The following ASAP1 variants were observed in gnomAD, a reference collection of about 807,000 sequenced individuals.
ASAP1 encodes the protein arf-GAP with SH3 domain, ANK repeat and PH domain-containing protein 1.
A neutral mutation model predicts 145.2 loss-of-function variants in ASAP1; 43 were observed. The ratio of observed to expected loss-of-function variants is 0.30; its 90% CI spans 0.23 to 0.38. The LOEUF (loss-of-function observed/expected upper bound fraction) is 0.38. Ranked by LOEUF, ASAP1 falls within the 10% of genes least tolerant of loss-of-function variation. The pLI, the probability that ASAP1 is intolerant of heterozygous loss-of-function variation, is 1.00. For missense variants in ASAP1, 1,018 were observed against 1,355.3 expected (o/e 0.75, Z 3.91); for synonymous variants, 546 against 515.5 (o/e 1.06, Z -0.80).
rs924965250 is a variant in ASAP1 at position 130,160,971 on chromosome 8, G to A, written c.910-1007C>T. ...CCTCTAGATTCAGGATAAACTTTGG[G>A]TGACAGGACAATCAAATGTCTGTAT... is the stretch of plus-strand genomic sequence containing the variant. On this transcript the variant is annotated intron_variant, in intron 11 of 29. Transcript: ENST00000518721. Among the ~76,000 whole-genome samples, 4 of 152,140 alleles carry A rather than the reference G, an allele frequency of 2.6e-5. No homozygotes were observed. In the East Asian group the frequency reaches 7.7e-4, roughly 29 times the overall value.
chr8:130,129,747 C>T (rs2097580337), intron 15 of ASAP1, among the ~76,000 whole-genome samples: 1 of 152,102 alleles, frequency 6.6e-6, no homozygotes, highest in African/African-American at 2.4e-5. Flanking sequence ...ACACCTTTGA[C>T]TCTAGGTGGC....
chr8:130,401,883 A>C lies in ASAP1; in HGVS notation c.59+2T>G. The C allele has an allele frequency of 6.2e-7, 1 of 1,613,522 alleles. No homozygotes were observed. The highest frequency in any genetic ancestry group is 8.5e-7 in the Non-Finnish European group (1 of 1,179,790). ...GGACAGGATGGGCTAGAGATCACTC[A>C]CCGATTCCATAGTGAATCTCTCGAC... On this transcript the variant is annotated splice_donor_variant, in intron 2 of 29. Coordinates refer to ENST00000518721, the MANE Select transcript of ASAP1 (RefSeq NM_018482.4). LOFTEE classifies it high-confidence loss of function.
chr8:130,422,705 T>C (rs1829769074), intron 1 of ASAP1, among the ~76,000 whole-genome samples: 1 of 152,218 alleles, frequency 6.6e-6, no homozygotes, highest in Non-Finnish European at 1.5e-5. Flanking sequence ...TCTTGGTTCA[T>C]TTCCCATAAA....
At chr8:130,384,776 C>T (rs937377546) in intron 2 of ASAP1, among the ~76,000 whole-genome samples, 40 of 152,210 alleles carry the variant, frequency 2.6e-4, no homozygotes, top group African/African-American at 8.9e-4. Flanking sequence ...TACCCTGTCA[C>T]ACTTCACATC....
intron 12 of ASAP1, among the ~76,000 whole-genome samples, chr8:130,154,694 T>C (rs1179274117): frequency 6.6e-6 from 1 of 152,226 alleles, no homozygotes; most frequent in Non-Finnish European, 1.5e-5. Flanking sequence ...ACAAATAATA[T>C]TGTGCATTTA....
chr8:130,153,534 T>TA (rs2097652021), intron 12 of ASAP1, among the ~76,000 whole-genome samples: 1 of 151,492 alleles, frequency 6.6e-6, no homozygotes, highest in Admixed American at 6.6e-5. Context: ...CATGCCTGGC[T>TA]AATTTTTACA....
intron 12 of ASAP1, among the ~76,000 whole-genome samples, chr8:130,154,272 A>C (rs779266691): frequency 5.3e-5 from 8 of 152,224 alleles, no homozygotes; most frequent in Non-Finnish European, 1.0e-4. Flanking sequence ...AATCATTCAC[A>C]AATAGTTAGT....
At chr8:130,176,879 G>A (rs1036426470) in intron 9 of ASAP1, among the ~76,000 whole-genome samples, 2 of 152,086 alleles carry the variant, frequency 1.3e-5, no homozygotes, top group Admixed American at 6.5e-5. Context: ...TAGTAGAAAC[G>A]GGGTTTTGCC....
intron 7 of ASAP1, among the ~76,000 whole-genome samples, chr8:130,185,633 G>C (rs1310039744): frequency 1.5e-4 from 22 of 150,388 alleles, no homozygotes; most frequent in African/African-American, 5.2e-4. Flanking sequence ...GGAGGCTGAG[G>C]CAGGAGAATC....
At chr8:130,302,895 G>GT (rs1491108529) in intron 3 of ASAP1, among the ~76,000 whole-genome samples, 1 of 152,110 alleles carries the variant, frequency 6.6e-6, no homozygotes, top group African/African-American at 2.4e-5. Context: ...TGGAAAGATC[G>GT]TGTCTTCTCC....
In ASAP1 at chr8:130,443,577, C is replaced by G. The variant is rs1357427343; in HGVS notation, c.-145G>C. 2 of 150,874 alleles carry G rather than the reference C, an allele frequency of 1.3e-5. No individual in the cohort carries two copies. The highest frequency in any genetic ancestry group is 4.8e-5 in the African/African-American group (2 of 41,286). The allele number at this position is 150,874 out of a possible 1,614,324, so 9.3% of individuals were successfully genotyped here. A position where few individuals can be genotyped will look rare whatever the true frequency, so the allele number is the denominator to read the frequency against. On this transcript the variant is annotated 5_prime_UTR_variant, in exon 1 of 30. Transcript: ENST00000518721. ...CGCCGGCTGGGCGGGAGGCGCGGGC[C>G]CGGGGCTGCCCAGCGCACAGTGCTC...
chr8:130,135,163 A>G (rs1374555631), intron 14 of ASAP1, among the ~76,000 whole-genome samples: 2 of 152,188 alleles, frequency 1.3e-5, no homozygotes, highest in Non-Finnish European at 2.9e-5. Context: ...CACACCCTTC[A>G]TCTCTCTTGG....
intron 27 of ASAP1, among the ~76,000 whole-genome samples, chr8:130,066,471 A>G (rs2097430885): frequency 1.3e-5 from 2 of 152,144 alleles, no homozygotes; most frequent in African/African-American, 4.8e-5. Context: ...TCAGCCTCCC[A>G]AAGTGCTAGG....
intron 24 of ASAP1, among the ~76,000 whole-genome samples, chr8:130,104,958 C>T (rs2097534559): frequency 6.6e-6 from 1 of 152,138 alleles, no homozygotes; most frequent in African/African-American, 2.4e-5. Flanking sequence ...TAAGCTGCCA[C>T]ATAGGAAGGG....
chr8:130,334,105 G>C (rs530246348), intron 3 of ASAP1, among the ~76,000 whole-genome samples: 1 of 152,172 alleles, frequency 6.6e-6, no homozygotes, highest in East Asian at 1.9e-4. Flanking sequence ...ACGTGAAAAT[G>C]CAAGAGGCTT....
intron 3 of ASAP1, among the ~76,000 whole-genome samples, chr8:130,301,303 T>C (rs1822645897): frequency 6.6e-6 from 1 of 152,212 alleles, no homozygotes; most frequent in Admixed American, 6.5e-5. Flanking sequence ...GCCTCCTTTA[T>C]TCCACCCACA....
At chr8:130,274,176 TC>T (rs1368308213) in intron 3 of ASAP1, among the ~76,000 whole-genome samples, 2 of 152,222 alleles carry the variant, frequency 1.3e-5, no homozygotes, top group African/African-American at 2.4e-5. Context: ...TGCATTGCTT[TC>T]CCTTGGGGAA....
chr8:130,132,091 GA>G (rs1353103664), intron 15 of ASAP1, among the ~76,000 whole-genome samples: 1 of 151,916 alleles, frequency 6.6e-6, no homozygotes. Flanking sequence ...CGGAGAAGGA[GA>G]AACAATATTC....
In ASAP1 at chr8:130,234,524, T is replaced by C. The variant is rs114040947; in HGVS notation, c.259+2398A>G. 8.3e-3 allele frequency among the ~76,000 whole-genome samples: 1,263 copies of C among 152,160 alleles called. 19 individuals carry two copies. The highest frequency in any genetic ancestry group is 0.029 in the African/African-American group (1,215 of 41,504). ...CCTCTTTACATCCATACAGGAACAA[T>C]CTCTCCCTTCTGTCATACCCATGGC... On this transcript the variant is annotated intron_variant, in intron 4 of 29. Transcript: ENST00000518721.
Sources: allele counts gnomAD v4.1 joint callset (sites outside exome capture counted in the v4.1 genomes callset), GRCh38; gene constraint gnomAD v4.1.1; transcripts MANE v1.5; gene names NCBI Gene and HGNC (gene_info 2026-07-23, HGNC 2026-07-21).